The following CCDC172 variants were observed in gnomAD, a reference collection of about 807,000 sequenced individuals.
The protein encoded by CCDC172 is coiled-coil domain-containing protein 172.
CCDC172 carries 30 observed loss-of-function variants against 38.0 expected under a neutral mutation model. That is an observed-to-expected ratio of 0.79 (90% CI 0.59 to 1.07). The LOEUF is 1.07. CCDC172 is among the 50% of genes least tolerant of loss of function. The probability of loss-of-function intolerance (pLI) is 0.00; values close to 1 mark genes in which losing one functional copy is unlikely to be tolerated. For missense variants in CCDC172, 297 were observed against 290.1 expected (o/e 1.02, Z -0.17); for synonymous variants, 78 against 88.3 (o/e 0.88, Z 0.66).
intron 7 of CCDC172, among the ~76,000 whole-genome samples, chr10:116,373,525 G>A (rs1209334637): frequency 1.3e-5 from 2 of 152,018 alleles, no homozygotes. Flanking sequence ...ATTTTTTTGA[G>A]ACACAGTCTC....
At chr10:116,376,996 TA>T (rs1212671744) in intron 7 of CCDC172, among the ~76,000 whole-genome samples, 2 of 151,578 alleles carry the variant, frequency 1.3e-5, no homozygotes, top group Non-Finnish European at 2.9e-5. Context: ...TAAAGTCTCA[TA>T]AAAAAGAAAA....
chr10:116,372,984 T>C (rs907814913), intron 7 of CCDC172, among the ~76,000 whole-genome samples: 1 of 152,164 alleles, frequency 6.6e-6, no homozygotes, highest in African/African-American at 2.4e-5. Flanking sequence ...CTCAAGTTGA[T>C]TGAATTTCTT....
chr10:116,376,879 T>C (rs939368486), intron 7 of CCDC172, among the ~76,000 whole-genome samples: 1 of 152,146 alleles, frequency 6.6e-6, no homozygotes, highest in African/African-American at 2.4e-5. Context: ...ACTGTTATCA[T>C]TGAAGACAGA....
intron 7 of CCDC172, among the ~76,000 whole-genome samples, chr10:116,366,246 A>G (rs191890043): frequency 1.3e-5 from 2 of 152,306 alleles, no homozygotes; most frequent in African/African-American, 4.8e-5. Context: ...GATAACTTGC[A>G]TTAGCTATGG....
chr10:116,342,017 TTTTA>T lies in CCDC172; in HGVS notation c.283-13_283-10del. The T allele has an allele frequency of 6.9e-7, 1 of 1,441,942 alleles. No homozygotes were observed. Among genetic ancestry groups the T allele is most frequent in the Non-Finnish European group, 9.2e-7 (1 of 1,082,062 alleles). The allele number at this position is 1,441,942 out of a possible 1,614,324, so 89.3% of individuals were successfully genotyped here. A position where few individuals can be genotyped will look rare whatever the true frequency, so the allele number is the denominator to read the frequency against. ...TTGCAACTAACACCTATATTTGATCTTTTATTTATGTTTTTCAGGAGGCTATAAA... is the reference window on the plus strand; with the variant it reads ...TTGCAACTAACACCTATATTTGATCTTTTATGTTTTTCAGGAGGCTATAAA... On this transcript the variant is annotated splice_polypyrimidine_tract_variant and intron_variant, in intron 4 of 8. Coordinates refer to ENST00000333254, the MANE Select transcript of CCDC172 (RefSeq NM_198515.3).
chr10:116,356,238 G>A (rs1844994490), intron 5 of CCDC172, among the ~76,000 whole-genome samples: 1 of 152,002 alleles, frequency 6.6e-6, no homozygotes, highest in Non-Finnish European at 1.5e-5. Context: ...GCTGAGGCAG[G>A]AGAATCGCTT....
At chr10:116,376,261 C>A (rs895649134) in intron 7 of CCDC172, among the ~76,000 whole-genome samples, 2 of 152,160 alleles carry the variant, frequency 1.3e-5, no homozygotes, top group Non-Finnish European at 2.9e-5. Context: ...ACAACTCCTT[C>A]AGCTTCCCTT....
chr10:116,369,809 T>C (rs1347138128), intron 7 of CCDC172, among the ~76,000 whole-genome samples: 1 of 152,018 alleles, frequency 6.6e-6, no homozygotes, highest in Non-Finnish European at 1.5e-5. Context: ...TCATACCATT[T>C]TGAATTTCCT....
intron 3 of CCDC172, among the ~76,000 whole-genome samples, chr10:116,332,700 T>C (rs1197657371): frequency 6.6e-6 from 1 of 152,130 alleles, no homozygotes; most frequent in African/African-American, 2.4e-5. Context: ...GCTTTTATGA[T>C]TTTAAACAAT....
intron 7 of CCDC172, among the ~76,000 whole-genome samples, chr10:116,367,302 T>C (rs938475404): frequency 2.6e-5 from 4 of 152,212 alleles, no homozygotes; most frequent in Non-Finnish European, 5.9e-5. Flanking sequence ...GTGATGGATA[T>C]ACAAAATACC....
intron 7 of CCDC172, among the ~76,000 whole-genome samples, chr10:116,374,164 T>C (rs1362182000): frequency 6.6e-6 from 1 of 152,150 alleles, no homozygotes; most frequent in Non-Finnish European, 1.5e-5. Flanking sequence ...ACTGTTATGC[T>C]ATCACAGTCT....
At chr10:116,366,467 ATT>A (rs1845124121) in intron 7 of CCDC172, among the ~76,000 whole-genome samples, 1 of 152,058 alleles carries the variant, frequency 6.6e-6, no homozygotes, top group Admixed American at 6.6e-5. Flanking sequence ...GGTTATTTGT[ATT>A]TGTTTTTGAG....
At chr10:116,368,025 C>A (rs554663840) in intron 7 of CCDC172, among the ~76,000 whole-genome samples, 1 of 152,010 alleles carries the variant, frequency 6.6e-6, no homozygotes, top group Non-Finnish European at 1.5e-5. Context: ...AGATTATATG[C>A]AAGTTAATTT....
rs138197401 is a variant in CCDC172, at chr10:116,360,525, T to C, written c.653+2587T>C. Among the ~76,000 whole-genome samples the C allele has an allele frequency of 4.4e-3, 666 of 152,340 alleles. 4 individuals are homozygous for C. The highest frequency in any genetic ancestry group is 0.015 in the African/African-American group (642 of 41,578). On this transcript the variant is annotated intron_variant, in intron 7 of 8. Coordinates refer to ENST00000333254, the MANE Select transcript of CCDC172 (RefSeq NM_198515.3). Reference sequence around the variant, plus strand: ...CCACTGGGAAAGTGCCACTTTGGAATGGATTATTTTCATTCCTATCTTTTT... The same window carrying C: ...CCACTGGGAAAGTGCCACTTTGGAACGGATTATTTTCATTCCTATCTTTTT...
intron 7 of CCDC172, among the ~76,000 whole-genome samples, chr10:116,359,194 A>G (rs187781551): frequency 0.024 from 3,669 of 152,260 alleles, 44 homozygotes; most frequent in Middle Eastern, 0.082. Flanking sequence ...ACTGAGTATA[A>G]AGATTTTAGG....
intron 5 of CCDC172, among the ~76,000 whole-genome samples, chr10:116,343,366 G>A (rs1844820159): frequency 1.3e-5 from 2 of 152,000 alleles, no homozygotes; most frequent in Non-Finnish European, 2.9e-5. Flanking sequence ...AGAAAAACTG[G>A]AGTCATTGTT....
At chr10:116,354,995 G>A (rs967678344) in intron 5 of CCDC172, among the ~76,000 whole-genome samples, 1 of 152,194 alleles carries the variant, frequency 6.6e-6, no homozygotes, top group African/African-American at 2.4e-5. Context: ...GTTATTACAA[G>A]TCAAAATGTT....
intron 5 of CCDC172, among the ~76,000 whole-genome samples, chr10:116,343,922 A>C (rs1000939402): frequency 6.6e-6 from 1 of 152,096 alleles, no homozygotes; most frequent in African/African-American, 2.4e-5. Context: ...AGTCTTTATG[A>C]TTTCTTAAGA....
chr10:116,373,618 C>T, intron 7 of CCDC172, among the ~76,000 whole-genome samples: 1 of 152,166 alleles, frequency 6.6e-6, no homozygotes, highest in Admixed American at 6.5e-5. Flanking sequence ...TGTTCTCATG[C>T]CTCAGCCACC....
Sources: gnomAD v4.1 joint callset for allele counts (sites outside exome capture counted in the v4.1 genomes callset) on GRCh38, gnomAD v4.1.1 for gene constraint, MANE v1.5 for transcripts, NCBI Gene and HGNC (gene_info 2026-07-23, HGNC 2026-07-21) for gene names.